ENOX1: variants seen among roughly 807,000 people sequenced by gnomAD.
The protein encoded by ENOX1 is candidate growth-related and time keeping constitutive hydroquinone (NADH) oxidase.
In ENOX1, 42 loss-of-function variants were observed where a neutral mutation model predicts 82.5. The observed-to-expected ratio is 0.51, with a 90% CI of 0.40 to 0.66. ENOX1 has a LOEUF of 0.66. Ranked by LOEUF, ENOX1 falls within the 30% of genes least tolerant of loss-of-function variation. The pLI is 0.00. For synonymous variants in ENOX1, 271 were observed against 282.2 expected (o/e 0.96, Z 0.40); for missense variants, 608 against 811.6 (o/e 0.75, Z 3.05).
chr13:43,382,872 C>T (rs756828890), intron 5 of ENOX1, among the ~76,000 whole-genome samples: 1 of 152,102 alleles, frequency 6.6e-6, no homozygotes, highest in African/African-American at 2.4e-5. Context: ...CAAGCTATAT[C>T]CAGCCAAGGT....
At chr13:43,408,543 T>C (rs559895030) in intron 5 of ENOX1, among the ~76,000 whole-genome samples, 8 of 152,314 alleles carry the variant, frequency 5.3e-5, no homozygotes, top group African/African-American at 1.7e-4. Flanking sequence ...TCTAACATTC[T>C]GCATTCACAG....
intron 2 of ENOX1, among the ~76,000 whole-genome samples, chr13:43,489,270 C>T (rs936318261): frequency 6.6e-6 from 1 of 152,060 alleles, no homozygotes; most frequent in Admixed American, 6.6e-5. Flanking sequence ...ACTCACTGCC[C>T]AGGGCAATCT....
chr13:43,689,237 CAT>C (rs3044222), intron 1 of ENOX1, among the ~76,000 whole-genome samples: 13,468 of 152,028 alleles, frequency 0.089, 951 homozygotes, highest in East Asian at 0.28. Context: ...GTCAAAAATA[CAT>C]AGAGAGGTCA....
At chr13:43,616,204 A>ATTTTTTTTT (rs58543927) in intron 2 of ENOX1, among the ~76,000 whole-genome samples, 2 of 15,300 alleles carry the variant, frequency 1.3e-4, no homozygotes, top group African/African-American at 2.3e-4. Context: ...ATATATATAT[A>ATTTTTTTTT]TTTTTTTTTT....
chr13:43,557,299 G>T (rs139141141), intron 2 of ENOX1, among the ~76,000 whole-genome samples: 63 of 152,138 alleles, frequency 4.1e-4, no homozygotes, highest in Non-Finnish European at 7.4e-4. Flanking sequence ...AGGTGGTAGG[G>T]GTTTCCATAA....
chr13:43,272,792 AATT>A (rs2044762955), intron 12 of ENOX1, among the ~76,000 whole-genome samples: 1 of 152,174 alleles, frequency 6.6e-6, no homozygotes, highest in African/African-American at 2.4e-5. Flanking sequence ...CTTCACAGGT[AATT>A]ATTCTAATGT....
chr13:43,561,203 A>G (rs1031640322), intron 2 of ENOX1, among the ~76,000 whole-genome samples: 1 of 145,860 alleles, frequency 6.9e-6, no homozygotes, highest in Admixed American at 6.9e-5. Context: ...TCATCACCCC[A>G]CTAACTAGAG....
chr13:43,698,509 GC>G (rs1373671810), intron 1 of ENOX1, among the ~76,000 whole-genome samples: 1 of 152,106 alleles, frequency 6.6e-6, no homozygotes, highest in African/African-American at 2.4e-5. Flanking sequence ...TAGACTGTGA[GC>G]TAAAACTTAA....
At chr13:43,288,771 A>C (rs2045844191) in intron 12 of ENOX1, among the ~76,000 whole-genome samples, 1 of 152,204 alleles carries the variant, frequency 6.6e-6, no homozygotes, top group Admixed American at 6.5e-5. Flanking sequence ...TCCTCCTGAT[A>C]CATTGCAACT....
chr13:43,701,890 A>G (rs1311560623), intron 1 of ENOX1, among the ~76,000 whole-genome samples: 1 of 152,160 alleles, frequency 6.6e-6, no homozygotes, highest in Non-Finnish European at 1.5e-5. Flanking sequence ...ATGTATGTAT[A>G]TATATAGTTT....
intron 1 of ENOX1, among the ~76,000 whole-genome samples, chr13:43,694,014 T>C (rs1322552681): frequency 6.6e-6 from 1 of 152,202 alleles, no homozygotes; most frequent in Non-Finnish European, 1.5e-5. Context: ...TTATTTATAG[T>C]GACCTTTTAA....
At chr13:43,260,067 A>G (rs2043970018) in intron 14 of ENOX1, among the ~76,000 whole-genome samples, 1 of 152,218 alleles carries the variant, frequency 6.6e-6, no homozygotes, top group African/African-American at 2.4e-5. Flanking sequence ...GAAACTGAGC[A>G]GAGGACTCAG....
At chr13:43,740,865 T>C (rs540317522) in intron 1 of ENOX1, among the ~76,000 whole-genome samples, 12 of 152,354 alleles carry the variant, frequency 7.9e-5, no homozygotes, top group Admixed American at 2.6e-4. Flanking sequence ...TCTAGCTATA[T>C]CACATTTTGT....
intron 2 of ENOX1, among the ~76,000 whole-genome samples, chr13:43,498,889 A>T (rs2076883963): frequency 6.6e-6 from 1 of 152,108 alleles, no homozygotes; most frequent in South Asian, 2.1e-4. Context: ...TGGATGATAG[A>T]ATTAGTGACT....
chr13:43,507,595 G>A (rs750855002), intron 2 of ENOX1, among the ~76,000 whole-genome samples: 1 of 151,870 alleles, frequency 6.6e-6, no homozygotes, highest in South Asian at 2.1e-4. Flanking sequence ...ACAAAGATTC[G>A]GAGTATTTAC....
intron 2 of ENOX1, among the ~76,000 whole-genome samples, chr13:43,567,835 C>A (rs1232302321): frequency 6.6e-6 from 1 of 152,138 alleles, no homozygotes; most frequent in African/African-American, 2.4e-5. Flanking sequence ...GCTAGAAACC[C>A]AGAGCTTGAT....
chr13:43,630,920 T>C (rs1374317194), intron 2 of ENOX1, among the ~76,000 whole-genome samples: 5 of 131,176 alleles, frequency 3.8e-5, no homozygotes, highest in African/African-American at 1.0e-4. Context: ...TGTGCGTATA[T>C]GTGTGTGTGT....
At chr13:43,248,507 C>G (rs2043267765) in intron 14 of ENOX1, among the ~76,000 whole-genome samples, 1 of 151,828 alleles carries the variant, frequency 6.6e-6, no homozygotes, top group East Asian at 1.9e-4. Context: ...GTTAATTTTT[C>G]ATTTGTATCT....
intron 2 of ENOX1, among the ~76,000 whole-genome samples, chr13:43,556,854 C>T (rs1437337665): frequency 1.1e-4 from 17 of 152,082 alleles, no homozygotes; most frequent in Admixed American, 1.1e-3. Context: ...TGGCTACGTG[C>T]CAAAGAAGGG....
Sources: gnomAD v4.1 joint callset for allele counts (sites outside exome capture counted in the v4.1 genomes callset) on GRCh38, gnomAD v4.1.1 for gene constraint, MANE v1.5 for transcripts, NCBI Gene and HGNC (gene_info 2026-07-23, HGNC 2026-07-21) for gene names.